PREX1: variants seen among roughly 807,000 people sequenced by gnomAD.
PREX1 encodes the protein phosphatidylinositol 3,4,5-trisphosphate-dependent Rac exchanger 1 protein.
A neutral mutation model predicts 198.3 loss-of-function variants in PREX1; 41 were observed. That is an observed-to-expected ratio of 0.21 (90% CI 0.16 to 0.27). The LOEUF is 0.27. Ranked by LOEUF, PREX1 falls within the 10% of genes least tolerant of loss-of-function variation. The pLI is 1.00. For synonymous variants in PREX1, 843 were observed against 887.2 expected (o/e 0.95, Z 0.89); for missense variants, 1,620 against 2,200.7 (o/e 0.74, Z 5.28).
At chr20:48,856,147 C>T in the PREX1 span, among the ~76,000 whole-genome samples, 3 of 152,148 alleles carry the variant, frequency 2.0e-5, no homozygotes, top group Non-Finnish European at 4.4e-5. Flanking sequence ...TGAGGCAGAA[C>T]CCAGGGAGAC....
intron 1 of PREX1, among the ~76,000 whole-genome samples, chr20:48,788,132 C>T (rs1386109407): frequency 6.6e-6 from 1 of 152,130 alleles, no homozygotes; most frequent in Non-Finnish European, 1.5e-5. Context: ...TTAAAAGGCC[C>T]GTGGGAAGTT....
chr20:48,856,842 CT>C, the PREX1 span, among the ~76,000 whole-genome samples: 1 of 152,240 alleles, frequency 6.6e-6, no homozygotes, highest in South Asian at 2.1e-4. Context: ...CCCTAAATTT[CT>C]TTTTTTGTTT....
intron 27 of PREX1, among the ~76,000 whole-genome samples, 183 bp downstream of exon 27, chr20:48,644,226 G>A (rs1027525125): frequency 1.3e-5 from 2 of 152,224 alleles, no homozygotes; most frequent in African/African-American, 4.8e-5. Flanking sequence ...CCAGTGCCCA[G>A]CACATAATAT....
At position 48,745,013 on chromosome 20, in the gene PREX1, C is replaced by T. The variant is rs1391852421; in HGVS notation, c.414+12G>A. 1 of 1,613,504 alleles carries T rather than the reference C, an allele frequency of 6.2e-7. No individual in the cohort carries two copies. The highest frequency in any genetic ancestry group is 8.5e-7 in the Non-Finnish European group (1 of 1,179,510). On this transcript the variant is annotated intron_variant, in intron 3 of 39. Coordinates refer to ENST00000371941, the MANE Select transcript of PREX1 (RefSeq NM_020820.4). ...AACTAGAGTCCACCAGGGGCAGTGG[C>T]ATGGTACTCACGAATTTTAAGAAAA...
At chr20:48,730,592 T>C (rs1398599858) in intron 4 of PREX1, among the ~76,000 whole-genome samples, 1 of 152,138 alleles carries the variant, frequency 6.6e-6, no homozygotes, top group Non-Finnish European at 1.5e-5. Context: ...GTGATGGGAA[T>C]GTTCTTCGAT....
chr20:48,732,390 A>AT (rs75900628), intron 4 of PREX1, among the ~76,000 whole-genome samples: 22,209 of 151,712 alleles, frequency 0.15, 1,854 homozygotes, highest in South Asian at 0.26. Context: ...ATATTATTTT[A>AT]TAGTTTAGCA....
At chr20:48,820,710 G>A (rs554631280) in intron 1 of PREX1, among the ~76,000 whole-genome samples, 5 of 152,148 alleles carry the variant, frequency 3.3e-5, no homozygotes, top group Admixed American at 6.6e-5. Context: ...TGTCACAACT[G>A]GGGAAGAGGG....
chr20:48,825,777 T>A (rs2090506016), intron 1 of PREX1, among the ~76,000 whole-genome samples: 1 of 151,794 alleles, frequency 6.6e-6, no homozygotes, highest in Non-Finnish European at 1.5e-5. Flanking sequence ...TTCCCTAGAA[T>A]TTGACATTGC....
intron 10 of PREX1, among the ~76,000 whole-genome samples, chr20:48,686,448 G>C (rs1234062458): frequency 6.6e-6 from 1 of 152,206 alleles, no homozygotes; most frequent in Admixed American, 6.5e-5. Flanking sequence ...GGCAGTAAAA[G>C]AAATCTCTCT....
At position 48,745,014 on chromosome 20, in the gene PREX1, A is replaced by G. The variant is rs778633962; in HGVS notation, c.414+11T>C. On this transcript the variant is annotated intron_variant, in intron 3 of 39. Coordinates refer to ENST00000371941, the MANE Select transcript of PREX1 (RefSeq NM_020820.4). ...ACTAGAGTCCACCAGGGGCAGTGGC[A>G]TGGTACTCACGAATTTTAAGAAAAC... The G allele has an allele frequency of 1.9e-6, 3 of 1,613,722 alleles. No homozygotes were observed. The highest frequency in any genetic ancestry group is 2.5e-6 in the Non-Finnish European group (3 of 1,179,634).
At position 48,743,360 on chromosome 20, in the gene PREX1, C is replaced by A. The variant is rs372542471; in HGVS notation, c.414+1665G>T. Among the ~76,000 whole-genome samples, 68 of 152,324 alleles carry A rather than the reference C, an allele frequency of 4.5e-4. 1 individual carries two copies. The South Asian group carries it at 0.011, about 25-fold the overall frequency. ...CACACTGTGGCCACTTGCCCCTTCTCACCATCTCCACTGCTACCATGCTGG... is the reference window on the plus strand; with the variant it reads ...CACACTGTGGCCACTTGCCCCTTCTAACCATCTCCACTGCTACCATGCTGG... On this transcript the variant is annotated intron_variant, in intron 3 of 39. Coordinates refer to ENST00000371941, the MANE Select transcript of PREX1 (RefSeq NM_020820.4).
chr20:48,784,002 G>A (rs1218139076), intron 1 of PREX1, among the ~76,000 whole-genome samples: 1 of 152,142 alleles, frequency 6.6e-6, no homozygotes, highest in African/African-American at 2.4e-5. Context: ...TGCAAATCCT[G>A]CAAAAGATGC....
At chr20:48,754,596 C>T (rs377549863) in intron 1 of PREX1, among the ~76,000 whole-genome samples, 32 of 151,420 alleles carry the variant, frequency 2.1e-4, no homozygotes, top group African/African-American at 7.5e-4. Flanking sequence ...GGAGGGGGCC[C>T]GACTGCCCCC....
the PREX1 span, among the ~76,000 whole-genome samples, chr20:48,868,910 G>A: frequency 1.3e-5 from 2 of 151,074 alleles, no homozygotes; most frequent in African/African-American, 2.4e-5. Flanking sequence ...AGAGTTTTGC[G>A]CTATCACCCA....
In PREX1 at chr20:48,700,773, G is replaced by A. The variant is rs754450695; in HGVS notation, c.897C>T (p.Val299=). The A allele has an allele frequency of 3.1e-6, 5 of 1,613,322 alleles. No homozygotes were observed. The Admixed American group carries it at 8.3e-5, about 27-fold the overall frequency. ...RAFFLFDNLL[V]YCKRKSRVTG... ...CTCACCTGGATTTCCGCTTGCAGTA[G>A]ACGAGAAGGTTGTCGAAGAGGAAGA... Residue 299 remains valine, a synonymous_variant, in exon 7 of 40, where the codon GTC becomes GTT. Transcript: ENST00000371941.
chr20:48,689,474 C>G (rs2089805245), intron 9 of PREX1, among the ~76,000 whole-genome samples: 1 of 152,172 alleles, frequency 6.6e-6, no homozygotes. Flanking sequence ...AATTTAGACC[C>G]AGGAAGTTGG....
At chr20:48,849,251 A>G in the PREX1 span, among the ~76,000 whole-genome samples, 1 of 152,226 alleles carries the variant, frequency 6.6e-6, no homozygotes, top group Non-Finnish European at 1.5e-5. Context: ...ATATATATAC[A>G]TATCACTATA....
In PREX1 at chr20:48,625,404, C is replaced by T. The variant is rs1455270272; in HGVS notation, c.*481G>A. ...CAGAGCCAAGTCTTTTCCAAGTCCACCAAGCAGGTTAGTACAGGGTTAGGG... is the reference window on the plus strand; with the variant it reads ...CAGAGCCAAGTCTTTTCCAAGTCCATCAAGCAGGTTAGTACAGGGTTAGGG... On this transcript the variant is annotated 3_prime_UTR_variant, in exon 40 of 40. Coordinates refer to ENST00000371941, the MANE Select transcript of PREX1 (RefSeq NM_020820.4). The T allele has an allele frequency of 6.5e-6, 1 of 153,154 alleles. No homozygotes were observed. 9.5% of individuals were successfully genotyped at this position (153,154 alleles called of 1,614,324 possible). A position where few individuals can be genotyped will look rare whatever the true frequency, so the allele number is the denominator to read the frequency against.
intron 1 of PREX1, among the ~76,000 whole-genome samples, chr20:48,777,376 G>A (rs2090267321): frequency 6.6e-6 from 1 of 152,148 alleles, no homozygotes; most frequent in Non-Finnish European, 1.5e-5. Flanking sequence ...AACCCAGACA[G>A]TGAACGGAAG....
Sources: gnomAD v4.1 joint callset for allele counts (sites outside exome capture counted in the v4.1 genomes callset) on GRCh38, gnomAD v4.1.1 for gene constraint, MANE v1.5 for transcripts, NCBI Gene and HGNC (gene_info 2026-07-23, HGNC 2026-07-21) for gene names.